Variants in PDGFD observed in about 807,000 individuals in gnomAD.
The protein encoded by PDGFD is platelet-derived growth factor D.
A neutral mutation model predicts 44.7 loss-of-function variants in PDGFD; 30 were observed. The observed-to-expected ratio is 0.67, with a 90% confidence interval of 0.50 to 0.91. PDGFD has a LOEUF of 0.91. PDGFD is among the 40% of genes least tolerant of loss of function. The pLI is 0.00. For missense variants in PDGFD, 445 were observed against 457.8 expected (o/e 0.97, Z 0.25); for synonymous variants, 173 against 168.4 (o/e 1.03, Z -0.21).
At chr11:104,001,929 G>T (rs1405771767) in intron 1 of PDGFD, among the ~76,000 whole-genome samples, 1 of 152,170 alleles carries the variant, frequency 6.6e-6, no homozygotes, top group Non-Finnish European at 1.5e-5. Context: ...TTGCATATGG[G>T]AATTTAAACT....
At position 103,982,956 on chromosome 11, in the gene PDGFD, TAGAG is replaced by T. The variant is rs142268286; in HGVS notation, c.510+13105_510+13108del. ...TGGAAAAACATTCCATGCTCATGGA[TAGAG>T]AGAAGCAGTATCATGAAAATGGCCA... On this transcript the variant is annotated intron_variant, in intron 3 of 6. Coordinates refer to ENST00000393158, the MANE Select transcript of PDGFD (RefSeq NM_025208.5). Among the ~76,000 whole-genome samples, 1,314 of 151,906 alleles carry T rather than the reference TAGAG, an allele frequency of 8.7e-3. 43 individuals carry two copies. Among genetic ancestry groups the T allele is most frequent in the African/African-American group, 0.029 (1,211 of 41,244 alleles).
In PDGFD at chr11:103,908,826, C is replaced by T. The variant is rs1415116721; in HGVS notation, c.*868G>A. ...TCTGGAAAGGTTCATACAGAATGCC[C>T]ATGCCATTCTTGAAAGGATTTGCTT... On this transcript the variant is annotated 3_prime_UTR_variant, in exon 7 of 7. Transcript: ENST00000393158. The T allele has an allele frequency of 1.3e-5, 2 of 152,158 alleles. No homozygotes were observed. Among genetic ancestry groups the T allele is most frequent in the Non-Finnish European group, 2.9e-5 (2 of 68,032 alleles). 9.4% of individuals were successfully genotyped at this position (152,158 alleles called of 1,614,324 possible).
chr11:104,107,983 A>T (rs908708877), intron 1 of PDGFD, among the ~76,000 whole-genome samples: 6 of 152,260 alleles, frequency 3.9e-5, no homozygotes, highest in South Asian at 4.1e-4. Flanking sequence ...CCTAGGCTGA[A>T]AAATAAATAA....
chr11:104,004,111 A>G (rs1329186533), intron 1 of PDGFD, among the ~76,000 whole-genome samples: 1 of 152,158 alleles, frequency 6.6e-6, no homozygotes, highest in Non-Finnish European at 1.5e-5. Context: ...TTTCTAAAAC[A>G]TCATTAAAGT....
intron 6 of PDGFD, among the ~76,000 whole-genome samples, chr11:103,922,546 A>AC (rs1555033622): frequency 1.5e-5 from 2 of 131,690 alleles, no homozygotes; most frequent in Non-Finnish European, 3.4e-5. Context: ...AGAAAGAAGA[A>AC]TTCCCCCCCG....
At position 103,909,616 on chromosome 11, in the gene PDGFD, G is replaced by T; in HGVS notation, c.*78C>A. The T allele has an allele frequency of 6.4e-7, 1 of 1,559,432 alleles. No individual in the cohort carries two copies. Among genetic ancestry groups the T allele is most frequent in the Non-Finnish European group, 8.8e-7 (1 of 1,136,736 alleles). Reference sequence around the variant, plus strand: ...AGGCTAGTAGTAAGTTTGGTTGCTGGTAGGAAAAGGGTCTCTTATCTCACC... The same window carrying T: ...AGGCTAGTAGTAAGTTTGGTTGCTGTTAGGAAAAGGGTCTCTTATCTCACC... On this transcript the variant is annotated 3_prime_UTR_variant, in exon 7 of 7. Coordinates refer to ENST00000393158, the MANE Select transcript of PDGFD (RefSeq NM_025208.5).
At chr11:104,157,058 A>G (rs891488630) in intron 1 of PDGFD, among the ~76,000 whole-genome samples, 5 of 152,226 alleles carry the variant, frequency 3.3e-5, no homozygotes, top group African/African-American at 1.2e-4. Flanking sequence ...GCTATTTGAA[A>G]AAACTTAAAG....
intron 3 of PDGFD, among the ~76,000 whole-genome samples, chr11:103,980,665 T>TC (rs936649155): frequency 1.3e-5 from 2 of 151,714 alleles, no homozygotes; most frequent in African/African-American, 4.8e-5. Flanking sequence ...AATATTTGTG[T>TC]CCCCCCCAAA....
chr11:104,061,325 G>A (rs1860713534), intron 1 of PDGFD, among the ~76,000 whole-genome samples: 1 of 151,832 alleles, frequency 6.6e-6, no homozygotes, highest in Non-Finnish European at 1.5e-5. Flanking sequence ...TTCTTTAAAA[G>A]ACACCAAAAC....
chr11:104,056,967 A>C (rs892912600), intron 1 of PDGFD, among the ~76,000 whole-genome samples: 1 of 152,090 alleles, frequency 6.6e-6, no homozygotes, highest in African/African-American at 2.4e-5. Context: ...GTGTCTACTA[A>C]AATACAAAAA....
intron 1 of PDGFD, among the ~76,000 whole-genome samples, chr11:104,147,470 T>C (rs1293457423): frequency 6.6e-6 from 1 of 152,160 alleles, no homozygotes; most frequent in Non-Finnish European, 1.5e-5. Context: ...ATGTCAACAA[T>C]GATCCACCAA....
intron 5 of PDGFD, among the ~76,000 whole-genome samples, chr11:103,930,741 A>G (rs61063495): frequency 6.6e-6 from 1 of 152,124 alleles, no homozygotes; most frequent in South Asian, 2.1e-4. Context: ...TGTGCAAATG[A>G]CCTGGCTTCC....
chr11:103,986,652 A>T (rs1164601072), intron 3 of PDGFD, among the ~76,000 whole-genome samples: 1 of 152,128 alleles, frequency 6.6e-6, no homozygotes, highest in Non-Finnish European at 1.5e-5. Context: ...GTGTAGGCCA[A>T]ACTAACTTTG....
chr11:103,953,518 T>C (rs536845369), intron 3 of PDGFD, among the ~76,000 whole-genome samples: 1 of 152,322 alleles, frequency 6.6e-6, no homozygotes, highest in Non-Finnish European at 1.5e-5. Flanking sequence ...AGTAAACATC[T>C]AGTTTTAGTA....
chr11:104,125,088 C>T (rs981993025), intron 1 of PDGFD, among the ~76,000 whole-genome samples: 3 of 152,038 alleles, frequency 2.0e-5, no homozygotes, highest in African/African-American at 7.2e-5. Flanking sequence ...TCAGGAATAG[C>T]CGACACTTAG....
At chr11:104,011,626 A>G (rs1859788648) in intron 1 of PDGFD, among the ~76,000 whole-genome samples, 1 of 152,090 alleles carries the variant, frequency 6.6e-6, no homozygotes. Context: ...TGAGTAGGAG[A>G]TAACTGTTCA....
intron 6 of PDGFD, among the ~76,000 whole-genome samples, chr11:103,919,125 C>T (rs1490274598): frequency 6.6e-6 from 1 of 152,188 alleles, no homozygotes; most frequent in African/African-American, 2.4e-5. Context: ...TGGAAAACCA[C>T]ACAAAGCCAG....
intron 1 of PDGFD, among the ~76,000 whole-genome samples, chr11:104,128,471 T>C (rs1861871264): frequency 6.6e-6 from 1 of 152,110 alleles, no homozygotes; most frequent in Non-Finnish European, 1.5e-5. Context: ...TAGACTACAG[T>C]GGCATCCCCA....
At chr11:103,929,488 C>G (rs17101750) in intron 5 of PDGFD, among the ~76,000 whole-genome samples, 6,255 of 152,238 alleles carry the variant, frequency 0.041, 420 homozygotes, top group African/African-American at 0.14. Flanking sequence ...AAGCCTCATT[C>G]TATTTGAAAC....
Sources: allele counts gnomAD v4.1 joint callset (sites outside exome capture counted in the v4.1 genomes callset), GRCh38; gene constraint gnomAD v4.1.1; transcripts MANE v1.5; gene names NCBI Gene and HGNC (gene_info 2026-07-23, HGNC 2026-07-21).